Variants in DGKI observed in about 807,000 individuals in gnomAD.
The protein encoded by DGKI is DAG kinase iota.
Under a neutral mutation model 147.5 loss-of-function variants are expected in DGKI, and 55 were observed. The ratio of observed to expected loss-of-function variants is 0.37; its 90% CI spans 0.30 to 0.47. The LOEUF (loss-of-function observed/expected upper bound fraction) is 0.47, where lower values mean the gene tolerates loss of function less well. Among genes scored for constraint, DGKI ranks in the 20% least tolerant of loss-of-function variants. The pLI, the probability that DGKI is intolerant of heterozygous loss-of-function variation, is 1.00. For missense variants in DGKI, 1,007 were observed against 1,323.8 expected, an observed-to-expected ratio of 0.76 and a Z score of 3.71; for synonymous variants, 469 against 477.1, an observed-to-expected ratio of 0.98 and a Z score of 0.22.
intron 10 of DGKI, among the ~76,000 whole-genome samples, chr7:137,606,041 T>C (rs1820173942): frequency 2.0e-5 from 3 of 152,108 alleles, no homozygotes; most frequent in Admixed American, 6.6e-5. Flanking sequence ...ATACATGCCA[T>C]AAATGTATCA....
chr7:137,610,212 G>C (rs706577), intron 8 of DGKI, among the ~76,000 whole-genome samples: 12,989 of 152,128 alleles, frequency 0.085, 1,823 homozygotes, highest in African/African-American at 0.29. Context: ...ATCACTATGA[G>C]AGTGGGATGG....
chr7:137,524,267 G>A (rs920435586), intron 20 of DGKI, among the ~76,000 whole-genome samples: 4 of 152,140 alleles, frequency 2.6e-5, no homozygotes, highest in African/African-American at 9.7e-5. Flanking sequence ...CATATAAATT[G>A]TGGACTTCAG....
At chr7:137,541,201 G>A (rs1384787526) in intron 20 of DGKI, among the ~76,000 whole-genome samples, 1 of 152,178 alleles carries the variant, frequency 6.6e-6, no homozygotes, top group Non-Finnish European at 1.5e-5. Flanking sequence ...ATAGGTCAAT[G>A]GCACAGAATA....
intron 1 of DGKI, among the ~76,000 whole-genome samples, chr7:137,690,740 G>C (rs1049656074): frequency 2.6e-5 from 4 of 152,106 alleles, no homozygotes; most frequent in African/African-American, 9.7e-5. Context: ...ATCTTGGTCT[G>C]CAAAGAAATG....
intron 14 of DGKI, 142 bp downstream of exon 14, chr7:137,585,067 G>T: frequency 2.2e-6 from 2 of 909,516 alleles, no homozygotes; most frequent in African/African-American, 1.7e-5. Context: ...TATACACATA[G>T]CCCCAGTAGC....
chr7:137,716,012 A>G (rs1027800623), intron 1 of DGKI, among the ~76,000 whole-genome samples: 1 of 152,216 alleles, frequency 6.6e-6, no homozygotes, highest in Non-Finnish European at 1.5e-5. Context: ...TGTAAGGAGT[A>G]GGAAGGAAAG....
intron 3 of DGKI, among the ~76,000 whole-genome samples, chr7:137,664,120 T>C (rs895080394): frequency 6.6e-6 from 1 of 152,100 alleles, no homozygotes; most frequent in Admixed American, 6.5e-5. Context: ...TTCACGCCTG[T>C]AATCCCAGAA....
intron 20 of DGKI, among the ~76,000 whole-genome samples, chr7:137,540,640 C>T (rs546419196): frequency 2.0e-5 from 3 of 151,126 alleles, no homozygotes; most frequent in South Asian, 4.2e-4. Context: ...GAGCTGAAAT[C>T]GCACCACTGC....
At chr7:137,410,400 A>C (rs984247026) in intron 29 of DGKI, among the ~76,000 whole-genome samples, 1 of 152,212 alleles carries the variant, frequency 6.6e-6, no homozygotes, top group Non-Finnish European at 1.5e-5. Flanking sequence ...GCGAGACTCC[A>C]TCTCCAAAAA....
intron 1 of DGKI, among the ~76,000 whole-genome samples, chr7:137,826,873 T>C (rs1798073363): frequency 6.6e-6 from 1 of 152,182 alleles, no homozygotes; most frequent in Non-Finnish European, 1.5e-5. Flanking sequence ...GCATCAAATC[T>C]AAACACCATC....
intron 3 of DGKI, among the ~76,000 whole-genome samples, chr7:137,673,056 A>C (rs270903): frequency 0.031 from 4,750 of 151,938 alleles, 90 homozygotes; most frequent in Middle Eastern, 0.041. Context: ...TGCTGGGATT[A>C]CAGGCATGAG....
At chr7:137,517,368 GGAGA>G (rs1331332223) in intron 21 of DGKI, among the ~76,000 whole-genome samples, 75 of 130,334 alleles carry the variant, frequency 5.8e-4, no homozygotes, top group Middle Eastern at 4.0e-3. Context: ...AAAGAAAGAG[GGAGA>G]GAGAGAGGGC....
At chr7:137,644,461 G>A (rs1385524432) in intron 6 of DGKI, among the ~76,000 whole-genome samples, 2 of 152,096 alleles carry the variant, frequency 1.3e-5, no homozygotes, top group Admixed American at 1.3e-4. Flanking sequence ...CAAAATTAAT[G>A]CAATTTTTTC....
Position 137,654,754 on chromosome 7 carries a change from CCTT to C in DGKI, c.713_715del (p.Glu238del). On this transcript the variant is annotated inframe_deletion, in exon 5 of 33. Coordinates refer to ENST00000614521, the MANE Select transcript of DGKI (RefSeq NM_001321708.2). The stretch of plus-strand genomic sequence containing the variant: ...CACTTCTCTTGGTGACCTTGAGCCT[CCTT>C]CTCGAAATGTTGGTTTACATCTGAA... 1 of 1,609,142 alleles carries C rather than the reference CCTT, an allele frequency of 6.2e-7. No individual in the cohort carries two copies.
chr7:137,772,086 T>C (rs537759076), intron 1 of DGKI: 2 of 152,346 alleles, frequency 1.3e-5, no homozygotes, highest in Admixed American at 1.3e-4. Context: ...GCCTCACTCT[T>C]TGCAGTGTCC....
chr7:137,834,186 T>C (rs1226378514), intron 1 of DGKI, among the ~76,000 whole-genome samples: 1 of 152,202 alleles, frequency 6.6e-6, no homozygotes, highest in East Asian at 1.9e-4. Context: ...ACCTCCCAGA[T>C]ATGCTTTTTC....
At position 137,623,341 on chromosome 7, in the gene DGKI, T is replaced by C. The variant is rs186008718; in HGVS notation, c.876+142A>G. 1.9e-4 allele frequency: 139 copies of C among 741,888 alleles called. No homozygotes were observed. In the Admixed American group the frequency reaches 1.9e-3, roughly 10 times the overall value. The allele number at this position is 741,888 out of a possible 1,614,324, so 46.0% of individuals were successfully genotyped here. On this transcript the variant is annotated intron_variant, in intron 7 of 32. Coordinates refer to ENST00000614521, the MANE Select transcript of DGKI (RefSeq NM_001321708.2). Reference sequence around the variant, plus strand: ...TTGTTCTATAGTTTCAGTCTGTCTTTCTTCCTCCAAGGATCCTATATGAGA... The same window carrying C: ...TTGTTCTATAGTTTCAGTCTGTCTTCCTTCCTCCAAGGATCCTATATGAGA...
chr7:137,532,075 T>C (rs1357311873), intron 20 of DGKI, among the ~76,000 whole-genome samples: 1 of 150,468 alleles, frequency 6.6e-6, no homozygotes, highest in East Asian at 1.9e-4. Context: ...TAAATAAAAA[T>C]ATCAAAAAAA....
intron 21 of DGKI, among the ~76,000 whole-genome samples, chr7:137,516,155 A>C (rs373730705): frequency 1.3e-5 from 2 of 152,096 alleles, no homozygotes; most frequent in East Asian, 3.8e-4. Context: ...AAAAAAAATC[A>C]GTGTTTTTAG....
Sources: allele counts gnomAD v4.1 joint callset (sites outside exome capture counted in the v4.1 genomes callset), GRCh38; gene constraint gnomAD v4.1.1; transcripts MANE v1.5; gene names NCBI Gene and HGNC (gene_info 2026-07-23, HGNC 2026-07-21).